TMEM108: variants seen among roughly 807,000 people sequenced by gnomAD.
TMEM108 encodes the protein transmembrane protein 108.
A neutral mutation model predicts 35.1 loss-of-function variants in TMEM108; 12 were observed. That is an observed-to-expected ratio of 0.34 (90% CI 0.22 to 0.55). The LOEUF is 0.55. Among genes scored for constraint, TMEM108 ranks in the 20% least tolerant of loss-of-function variants. TMEM108 has a pLI of 0.89. For missense variants in TMEM108, 680 were observed against 753.3 expected, an observed-to-expected ratio of 0.90 and a Z score of 1.14; for synonymous variants, 287 against 308.6, an observed-to-expected ratio of 0.93 and a Z score of 0.73.
intron 3 of TMEM108, chr3:133,253,565 T>G (rs1264657966): frequency 2.6e-5 from 4 of 152,346 alleles, no homozygotes; most frequent in African/African-American, 7.2e-5. Context: ...TATGACAGTA[T>G]GTGGTCTCTT....
At chr3:133,055,966 T>C (rs1453746584) in intron 2 of TMEM108, among the ~76,000 whole-genome samples, 3 of 152,180 alleles carry the variant, frequency 2.0e-5, no homozygotes, top group Non-Finnish European at 4.4e-5. Context: ...AAAATCATAT[T>C]TTTACTTTGA....
chr3:133,273,650 G>A (rs1361703587), intron 3 of TMEM108, among the ~76,000 whole-genome samples: 1 of 152,174 alleles, frequency 6.6e-6, no homozygotes, highest in African/African-American at 2.4e-5. Context: ...GTGTAAATCA[G>A]ATACTGTGTT....
intron 2 of TMEM108, among the ~76,000 whole-genome samples, chr3:133,208,126 G>A (rs540446872): frequency 4.3e-4 from 65 of 152,268 alleles, no homozygotes; most frequent in African/African-American, 1.5e-3. Context: ...GTTCCCAAAC[G>A]TTAGTATACA....
chr3:133,301,334 C>T (rs1947222314), intron 3 of TMEM108, among the ~76,000 whole-genome samples: 1 of 152,094 alleles, frequency 6.6e-6, no homozygotes, highest in Non-Finnish European at 1.5e-5. Flanking sequence ...GTGCAGGACT[C>T]CTATCTGGTC....
chr3:133,168,566 A>AG lies in TMEM108; in HGVS notation c.-46-60698dup, dbSNP rs1307543937. Reference sequence around the variant, plus strand: ...ACACCAGTTAGCACTTGGTAAAAAAAGGACCAATCAGCACTCTGTAAAACG... The same window carrying AG: ...ACACCAGTTAGCACTTGGTAAAAAAAGGGACCAATCAGCACTCTGTAAAACG... On this transcript the variant is annotated intron_variant, in intron 2 of 5. Coordinates refer to ENST00000321871, the MANE Select transcript of TMEM108 (RefSeq NM_023943.4). 4.0e-5 allele frequency among the ~76,000 whole-genome samples: 6 copies of AG among 151,386 alleles called. No homozygotes were observed. The East Asian group carries it at 1.2e-3, about 30-fold the overall frequency.
chr3:133,390,100 C>T (rs2073211984), intron 4 of TMEM108, 80 bp from the exon 5 acceptor site: 4 of 1,562,028 alleles, frequency 2.6e-6, no homozygotes, highest in Non-Finnish European at 3.5e-6. Context: ...GCTGGGAACT[C>T]TCCTCATCAG....
At chr3:133,394,492 C>T (rs1320030872) in intron 5 of TMEM108, among the ~76,000 whole-genome samples, 1 of 152,090 alleles carries the variant, frequency 6.6e-6, no homozygotes, top group Non-Finnish European at 1.5e-5. Flanking sequence ...TTTTTCTTCT[C>T]CTTTGCTTTG....
chr3:133,068,508 C>T (rs867969789), intron 2 of TMEM108, among the ~76,000 whole-genome samples: 5 of 152,004 alleles, frequency 3.3e-5, no homozygotes, highest in South Asian at 2.1e-4. Context: ...TCTTATACCA[C>T]CTCCTAGTCA....
intron 3 of TMEM108, among the ~76,000 whole-genome samples, chr3:133,311,499 G>T (rs144694175): frequency 7.0e-4 from 106 of 152,094 alleles, no homozygotes; most frequent in African/African-American, 2.4e-3. Flanking sequence ...CCACTTGATC[G>T]AATTGGCTAT....
intron 3 of TMEM108, among the ~76,000 whole-genome samples, chr3:133,328,442 C>T (rs528581942): frequency 2.6e-5 from 4 of 152,222 alleles, no homozygotes; most frequent in Non-Finnish European, 5.9e-5. Flanking sequence ...ATGAAAGTCC[C>T]AGTAATTTGA....
chr3:133,384,060 T>C (rs561265880), intron 4 of TMEM108, among the ~76,000 whole-genome samples: 1 of 152,136 alleles, frequency 6.6e-6, no homozygotes, highest in South Asian at 2.1e-4. Flanking sequence ...CCTCATCTAT[T>C]TGGACTGTTT....
At chr3:133,288,408 C>T (rs2107693191) in intron 3 of TMEM108, among the ~76,000 whole-genome samples, 1 of 152,300 alleles carries the variant, frequency 6.6e-6, no homozygotes, top group East Asian at 1.9e-4. Context: ...CTTGATGTGA[C>T]TTGGTTGTTT....
intron 4 of TMEM108, chr3:133,388,305 C>T (rs2073184679): frequency 1.0e-6 from 1 of 984,458 alleles, no homozygotes; most frequent in Non-Finnish European, 1.2e-6. Context: ...GACCCGGGAT[C>T]TTGTCCCAGC....
At chr3:133,237,705 G>A (rs1946258380) in intron 3 of TMEM108, among the ~76,000 whole-genome samples, 1 of 152,110 alleles carries the variant, frequency 6.6e-6, no homozygotes, top group Non-Finnish European at 1.5e-5. Context: ...GAATGCAGAA[G>A]CTGATAAGAG....
intron 2 of TMEM108, among the ~76,000 whole-genome samples, chr3:133,198,106 G>A (rs2107822922): frequency 6.6e-6 from 1 of 152,306 alleles, no homozygotes; most frequent in South Asian, 2.1e-4. Flanking sequence ...AGAAGGGTGA[G>A]CGTTGTCCTG....
At chr3:133,330,146 A>C (rs1281752810) in intron 3 of TMEM108, among the ~76,000 whole-genome samples, 10 of 152,226 alleles carry the variant, frequency 6.6e-5, no homozygotes, top group African/African-American at 2.4e-4. Context: ...TGATGAAGAC[A>C]ACTTTTTAAA....
intron 3 of TMEM108, among the ~76,000 whole-genome samples, chr3:133,234,293 A>G (rs551021944): frequency 1.3e-5 from 2 of 152,298 alleles, no homozygotes; most frequent in Admixed American, 1.3e-4. Flanking sequence ...TTTATTAAAT[A>G]GGGAATCTCT....
intron 2 of TMEM108, among the ~76,000 whole-genome samples, chr3:133,201,233 C>T (rs565145691): frequency 6.6e-6 from 1 of 152,098 alleles, no homozygotes; most frequent in Non-Finnish European, 1.5e-5. Flanking sequence ...CTCATCCCCA[C>T]TCTGATTTCT....
chr3:133,150,604 C>T (rs1944785730), intron 2 of TMEM108, among the ~76,000 whole-genome samples: 2 of 151,986 alleles, frequency 1.3e-5, no homozygotes, highest in Admixed American at 6.6e-5. Context: ...AACCTGTATT[C>T]ATCTACTTGA....
Sources: gnomAD v4.1 joint callset for allele counts (sites outside exome capture counted in the v4.1 genomes callset) on GRCh38, gnomAD v4.1.1 for gene constraint, MANE v1.5 for transcripts, NCBI Gene and HGNC (gene_info 2026-07-23, HGNC 2026-07-21) for gene names.